Variants in DAGLB observed in about 807,000 individuals in gnomAD.
DAGLB encodes diacylglycerol lipase-beta.
DAGLB carries 66 observed loss-of-function variants against 72.1 expected under a neutral mutation model. The ratio of observed to expected loss-of-function variants is 0.92; its 90% confidence interval spans 0.75 to 1.12. The LOEUF is 1.12. Ranked by LOEUF, DAGLB falls within the 50% of genes most tolerant of loss-of-function variation. The pLI is 0.00. For missense variants in DAGLB, 1,065 were observed against 884.9 expected, an observed-to-expected ratio of 1.20 and a Z score of -2.58; for synonymous variants, 414 against 359.5, an observed-to-expected ratio of 1.15 and a Z score of -1.71.
chr7:6,436,670 T>C (rs754985370), intron 2 of DAGLB, 137 bp from the exon 3 acceptor site: 1 of 1,033,742 alleles, frequency 9.7e-7, no homozygotes, highest in Admixed American at 2.9e-5. Flanking sequence ...TACTTATAAT[T>C]GGTAATCAGC....
intron 2 of DAGLB, among the ~76,000 whole-genome samples, chr7:6,443,486 G>A (rs1784901439): frequency 6.6e-6 from 1 of 152,026 alleles, no homozygotes; most frequent in Non-Finnish European, 1.5e-5. Context: ...AATACACAGA[G>A]CTCTGTTTTC....
In DAGLB at chr7:6,447,890, C is replaced by T; in HGVS notation, c.-48G>A. 1 of 1,553,222 alleles carries T rather than the reference C, an allele frequency of 6.4e-7. No homozygotes were observed. The highest frequency in any genetic ancestry group is 8.7e-7 in the Non-Finnish European group (1 of 1,155,332). The stretch of plus-strand genomic sequence containing the variant: ...CTCAGGAGAGACCCCGCGCGCCGTT[C>T]ACCGAGAACAAACCAGCACCCTCCG... On this transcript the variant is annotated 5_prime_UTR_variant, in exon 1 of 15. Coordinates refer to ENST00000297056, the MANE Select transcript of DAGLB (RefSeq NM_139179.4).
chr7:6,441,701 G>A (rs958770883), intron 2 of DAGLB, among the ~76,000 whole-genome samples: 16 of 152,168 alleles, frequency 1.1e-4, no homozygotes, highest in African/African-American at 3.9e-4. Flanking sequence ...ACAGGTGTAA[G>A]CCACCGCGCC....
At chr7:6,420,135 A>C (rs1277157820) in intron 9 of DAGLB, among the ~76,000 whole-genome samples, 1 of 152,008 alleles carries the variant, frequency 6.6e-6, no homozygotes, top group East Asian at 1.9e-4. Flanking sequence ...TGACAGAACA[A>C]GACCCTGTCT....
At chr7:6,440,981 A>C (rs1784811729) in intron 2 of DAGLB, among the ~76,000 whole-genome samples, 1 of 147,632 alleles carries the variant, frequency 6.8e-6, no homozygotes, top group Non-Finnish European at 1.5e-5. Flanking sequence ...TGAGGGGGGG[A>C]CGGAGTTTCC....
chr7:6,413,977 C>T (rs960954763), intron 11 of DAGLB, among the ~76,000 whole-genome samples: 1 of 152,180 alleles, frequency 6.6e-6, no homozygotes, highest in Non-Finnish European at 1.5e-5. Context: ...AAACACCAGT[C>T]AAAACCACCA....
chr7:6,425,211 CT>C (rs1368736750), intron 7 of DAGLB, among the ~76,000 whole-genome samples: 1 of 152,162 alleles, frequency 6.6e-6, no homozygotes, highest in Non-Finnish European at 1.5e-5. Context: ...GCTGCGGTGC[CT>C]ATGAGAATCA....
intron 13 of DAGLB, among the ~76,000 whole-genome samples, chr7:6,411,974 A>AGTGCAGTG (rs71539933): frequency 0.59 from 88,944 of 151,318 alleles, 28,335 homozygotes; most frequent in East Asian, 0.91. Flanking sequence ...AACAGGCTGG[A>AGTGCAGTG]GTGCGATCTT....
At chr7:6,444,546 G>A (rs1339984841) in intron 2 of DAGLB, among the ~76,000 whole-genome samples, 1 of 152,184 alleles carries the variant, frequency 6.6e-6, no homozygotes, top group Non-Finnish European at 1.5e-5. Flanking sequence ...AGGCTGCAGT[G>A]AGCAGAGAGC....
rs775375723 is a variant in DAGLB, at chr7:6,430,476, C to G, written c.929+4G>C. Reference sequence around the variant, plus strand: ...CTATGGAGGCTCAGACTGTGCCAACCCACCAGTCACCACCAATCCTGCACA... The same window carrying G: ...CTATGGAGGCTCAGACTGTGCCAACGCACCAGTCACCACCAATCCTGCACA... On this transcript the variant is annotated splice_donor_region_variant and intron_variant, in intron 6 of 14. Transcript: ENST00000297056. 1 of 1,531,304 alleles carries G rather than the reference C, an allele frequency of 6.5e-7. No individual in the cohort carries two copies. The highest frequency in any genetic ancestry group is 1.4e-5 in the African/African-American group (1 of 72,576). 94.9% of individuals were successfully genotyped at this position (1,531,304 alleles called of 1,614,324 possible).
Position 6,409,645 on chromosome 7 carries a change from C to G in DAGLB, c.*192G>C. ...TCCTATCACCTGAGCGTGCTCACTA[C>G]TTCTGCTACCATTATGGCCACAATG... is the stretch of plus-strand genomic sequence containing the variant. On this transcript the variant is annotated 3_prime_UTR_variant, in exon 15 of 15. Coordinates refer to ENST00000297056, the MANE Select transcript of DAGLB (RefSeq NM_139179.4). The G allele has an allele frequency of 1.4e-6, 1 of 707,298 alleles. No individual in the cohort carries two copies. The highest frequency in any genetic ancestry group is 1.9e-5 in the South Asian group (1 of 52,708). The allele number at this position is 707,298 out of a possible 1,614,324, so 43.8% of individuals were successfully genotyped here. A position where few individuals can be genotyped will look rare whatever the true frequency, so the allele number is the denominator to read the frequency against.
At chr7:6,423,231 C>G (rs1337018355) in intron 8 of DAGLB, among the ~76,000 whole-genome samples, 1 of 152,134 alleles carries the variant, frequency 6.6e-6, no homozygotes, top group South Asian at 2.1e-4. Flanking sequence ...CCCTGGGCAA[C>G]AGAGCAAGAC....
chr7:6,446,251 A>ATG, intron 1 of DAGLB, 147 bp from the exon 2 acceptor site: 1 of 649,704 alleles, frequency 1.5e-6, no homozygotes, highest in Non-Finnish European at 2.3e-6. Flanking sequence ...GGCGGATCAC[A>ATG]AGGTCAGGAG....
chr7:6,410,080 G>A, intron 14 of DAGLB, 45 bp from the exon 15 acceptor site: 1 of 1,589,580 alleles, frequency 6.3e-7, no homozygotes, highest in Non-Finnish European at 8.6e-7. Context: ...CCCCAGGGCT[G>A]ACCCCGCGCT....
In DAGLB at chr7:6,409,836, G is replaced by C. The variant is rs745990465; in HGVS notation, c.*1C>G. Reference sequence around the variant, plus strand: ...CCTGGGACAGTTTCCAGTGGCCCTGGTCAGGCCACGTCCACACTGGAGACC... The same window carrying C: ...CCTGGGACAGTTTCCAGTGGCCCTGCTCAGGCCACGTCCACACTGGAGACC... On this transcript the variant is annotated 3_prime_UTR_variant, in exon 15 of 15. Transcript: ENST00000297056. The C allele has an allele frequency of 6.8e-6, 11 of 1,613,412 alleles. No individual in the cohort carries two copies. The African/African-American group carries it at 9.3e-5, about 14-fold the overall frequency.
At chr7:6,430,250 CATATATATATATATATATAT>C (rs57374634) in intron 6 of DAGLB, among the ~76,000 whole-genome samples, 11 of 45,748 alleles carry the variant, frequency 2.4e-4, no homozygotes, top group African/African-American at 6.2e-4. Context: ...AATACATGTG[CATATATATATATATATATAT>C]ATATATATAT....
At chr7:6,433,912 T>C (rs1275612777) in intron 4 of DAGLB, among the ~76,000 whole-genome samples, 1 of 151,796 alleles carries the variant, frequency 6.6e-6, no homozygotes, top group Non-Finnish European at 1.5e-5. Context: ...CAGTTCTGCC[T>C]GTGATGTAGA....
chr7:6,436,971 G>A (rs1784679699), intron 2 of DAGLB, among the ~76,000 whole-genome samples: 2 of 151,986 alleles, frequency 1.3e-5, no homozygotes, highest in Admixed American at 1.3e-4. Context: ...CCAACATGGT[G>A]AAACCTCATC....
At chr7:6,425,011 GC>G (rs1784258508) in intron 7 of DAGLB, among the ~76,000 whole-genome samples, 176 bp from the exon 8 acceptor site, 1 of 152,230 alleles carries the variant, frequency 6.6e-6, no homozygotes, top group African/African-American at 2.4e-5. Context: ...GCAGGGACTG[GC>G]CTTCATAAAC....
Sources: allele counts gnomAD v4.1 joint callset (sites outside exome capture counted in the v4.1 genomes callset), GRCh38; gene constraint gnomAD v4.1.1; transcripts MANE v1.5; gene names NCBI Gene and HGNC (gene_info 2026-07-23, HGNC 2026-07-21).